PCID2: variants seen among roughly 807,000 people sequenced by gnomAD.
PCID2 encodes PCI domain containing 2.
Under a neutral mutation model 61.3 loss-of-function variants are expected in PCID2, and 41 were observed. The observed-to-expected ratio is 0.67, with a 90% CI of 0.52 to 0.87. The LOEUF is 0.87. Ranked by LOEUF, PCID2 falls within the 40% of genes least tolerant of loss-of-function variation. PCID2 has a pLI of 0.00. For synonymous variants in PCID2, 187 were observed against 177.8 expected (o/e 1.05, Z -0.41); for missense variants, 392 against 493.4 (o/e 0.79, Z 1.95).
downstream of PCID2, among the ~76,000 whole-genome samples, chr13:113,177,229 C>G (rs960735794): frequency 6.6e-6 from 1 of 152,144 alleles, no homozygotes; most frequent in African/African-American, 2.4e-5. Flanking sequence ...CCTTTGCCTC[C>G]CGGGTTCAAG....
Position 113,179,166 on chromosome 13 carries a change from A to G in PCID2, c.987-77T>C. 1 of 1,346,824 alleles carries G rather than the reference A, an allele frequency of 7.4e-7. No individual in the cohort carries two copies. The allele number at this position is 1,346,824 out of a possible 1,614,324, so 83.4% of individuals were successfully genotyped here. On this transcript the variant is annotated intron_variant, in intron 12 of 13. Coordinates refer to ENST00000337344, the MANE Select transcript of PCID2 (RefSeq NM_001127202.4). This position sits in a 1 kb window ranked among gnomAD's most constrained non-coding sequence, Gnocchi z 4.3. ...CCACAGCCAAGAAAAGGCACCTCTT[A>G]ATAAGCCGGTGTTCTAAAGGAGTAA...
chr13:113,171,103 T>C, the PCID2 span, among the ~76,000 whole-genome samples: 1 of 152,100 alleles, frequency 6.6e-6, no homozygotes, highest in Non-Finnish European at 1.5e-5. The surrounding 1 kb of genome is among the most constrained non-coding windows in gnomAD (Gnocchi z 5.1). Flanking sequence ...TTTGTATTTT[T>C]AGTAGAAATG....
At chr13:113,185,433 C>A in intron 8 of PCID2, 52 bp downstream of exon 8, 1 of 1,271,230 alleles carries the variant, frequency 7.9e-7, no homozygotes, top group Non-Finnish European at 1.2e-6. Flanking sequence ...ATGTGGGAAG[C>A]CCAGGACAAT....
chr13:113,198,290 A>G (rs757632576), intron 2 of PCID2, 26 bp from the exon 3 acceptor site: 7 of 1,437,992 alleles, frequency 4.9e-6, no homozygotes, highest in South Asian at 1.2e-5. Flanking sequence ...AAAAATAGCA[A>G]AAGTAAAATT....
intron 6 of PCID2, 89 bp from the exon 7 acceptor site, chr13:113,191,064 C>T (rs2038575700): frequency 6.2e-6 from 5 of 800,636 alleles, no homozygotes; most frequent in South Asian, 3.6e-5. Context: ...ACAATCACAC[C>T]TCACTGCAGC....
chr13:113,172,346 C>T, the PCID2 span: 5 of 555,926 alleles, frequency 9.0e-6, no homozygotes, highest in African/African-American at 1.9e-5. Context: ...ACATGAGATA[C>T]GTTAAATAAT....
At chr13:113,207,001 C>T (rs1400371762) in intron 1 of PCID2, among the ~76,000 whole-genome samples, 1 of 152,198 alleles carries the variant, frequency 6.6e-6, no homozygotes, top group Non-Finnish European at 1.5e-5. Flanking sequence ...AGTAGAAGCT[C>T]GCTTATCAGT....
In PCID2 at chr13:113,208,655, A is replaced by G; in HGVS notation, c.-21T>C. The stretch of plus-strand genomic sequence containing the variant: ...GCCATGGGAGCGCCGCCGAACGGAG[A>G]GCGCCACCCCCTACGCCTCAAGCGG... On this transcript the variant is annotated 5_prime_UTR_variant, in exon 1 of 14. Transcript: ENST00000337344. 6.2e-7 allele frequency: 1 copy of G among 1,603,258 alleles called. No homozygotes were observed. The highest frequency in any genetic ancestry group is 8.5e-7 in the Non-Finnish European group (1 of 1,175,842).
intron 1 of PCID2, among the ~76,000 whole-genome samples, chr13:113,205,770 T>C (rs1021028842): frequency 6.6e-6 from 1 of 152,106 alleles, no homozygotes; most frequent in Admixed American, 6.5e-5. Context: ...AGCAAATCCA[T>C]ACAGACAGAG....
At position 113,208,636 on chromosome 13, in the gene PCID2, G is replaced by T. The variant is rs1566999117; in HGVS notation, c.-2C>A. 6.2e-7 allele frequency: 1 copy of T among 1,607,446 alleles called. No homozygotes were observed. Among genetic ancestry groups the T allele is most frequent in the Admixed American group, 1.7e-5 (1 of 59,578 alleles). ...CTGGTTAATGGTAATGTGCGCCATG[G>T]GAGCGCCGCCGAACGGAGAGCGCCA... On this transcript the variant is annotated 5_prime_UTR_variant, in exon 1 of 14. Transcript: ENST00000337344.
At chr13:113,195,860 C>G (rs528519229) in intron 5 of PCID2, among the ~76,000 whole-genome samples, 64 of 152,208 alleles carry the variant, frequency 4.2e-4, no homozygotes, top group African/African-American at 1.5e-3. Flanking sequence ...CCTCTTTTAT[C>G]TAAGGTTTAA....
the PCID2 span, chr13:113,171,792 G>A: frequency 6.2e-7 from 1 of 1,613,420 alleles, no homozygotes; most frequent in East Asian, 2.2e-5. The surrounding 1 kb of genome is among the most constrained non-coding windows in gnomAD (Gnocchi z 5.1). Context: ...CCACGCACCA[G>A]GGGCCTCCTC....
chr13:113,178,225 T>C lies in PCID2; in HGVS notation c.1173A>G (p.Pro391=), dbSNP rs2037284791. 3 of 1,613,592 alleles carry C rather than the reference T, an allele frequency of 1.9e-6. No homozygotes were observed. Among genetic ancestry groups the C allele is most frequent in the Non-Finnish European group, 2.5e-6 (3 of 1,179,652 alleles). ...AACACACCGTGGACAGGGGAGGAAA[T>C]GGGTTCTGCTTGCTGACCACCAGCT... ...HQKLVVSKQN[P]FPPLSTVC is the part of the protein sequence containing the mutation. The change falls in exon 14 of 14, where the codon CCA becomes CCG. Residue 391 remains proline, a synonymous_variant. Transcript: ENST00000337344.
the PCID2 span, chr13:113,165,189 T>C: frequency 3.7e-5 from 56 of 1,496,566 alleles, no homozygotes; most frequent in Admixed American, 5.0e-4. Flanking sequence ...ATTTCCTAAA[T>C]AGAAATGTTG....
intron 7 of PCID2, chr13:113,187,297 G>A (rs751261500): frequency 6.6e-6 from 1 of 152,248 alleles, no homozygotes; most frequent in East Asian, 1.9e-4. Flanking sequence ...CAACGGGAAA[G>A]AGATGTCACT....
the PCID2 span, among the ~76,000 whole-genome samples, chr13:113,167,018 TTCAG>T: frequency 6.6e-6 from 1 of 152,260 alleles, no homozygotes; most frequent in South Asian, 2.1e-4. Flanking sequence ...GATTTTTTAC[TTCAG>T]TATTATAAAT....
At chr13:113,196,332 T>C in intron 4 of PCID2, 110 bp from the exon 5 acceptor site, 1 of 777,456 alleles carries the variant, frequency 1.3e-6, no homozygotes, top group Non-Finnish European at 2.1e-6. Flanking sequence ...CTTGAGCAGA[T>C]TTATGTTGCA....
chr13:113,207,989 AGTGTCC>A lies in PCID2; in HGVS notation c.36+604_36+609del, dbSNP rs768689045. On this transcript the variant is annotated intron_variant, in intron 1 of 13. Transcript: ENST00000337344. ...AAAGAATATGCGTTGAATCTTTACA[AGTGTCC>A]ATCTTTTAACTGTGCTTCTGCTACT... 5.7e-6 allele frequency: 9 copies of A among 1,568,978 alleles called. No individual in the cohort carries two copies. In the African/African-American group the frequency reaches 1.2e-4, roughly 21 times the overall value.
At chr13:113,202,625 A>G (rs2039511902) in intron 1 of PCID2, among the ~76,000 whole-genome samples, 1 of 152,250 alleles carries the variant, frequency 6.6e-6, no homozygotes, top group African/African-American at 2.4e-5. Context: ...AAGTTGTAAA[A>G]GAGTATGTAT....
Sources: gnomAD v4.1 joint callset for allele counts (sites outside exome capture counted in the v4.1 genomes callset) on GRCh38, gnomAD v4.1.1 for gene constraint, Gnocchi (gnomAD v3.1) non-coding constraint, MANE v1.5 for transcripts, NCBI Gene and HGNC (gene_info 2026-07-23, HGNC 2026-07-21) for gene names.